The following ABRA variants were observed in gnomAD, a reference collection of about 807,000 sequenced individuals.
The protein encoded by ABRA is actin-binding Rho-activating protein.
ABRA carries 25 observed loss-of-function variants against 33.4 expected under a neutral mutation model. The observed-to-expected ratio is 0.75, with a 90% confidence interval of 0.55 to 1.04. The LOEUF (loss-of-function observed/expected upper bound fraction) is 1.04. Ranked by LOEUF, ABRA falls within the 50% of genes least tolerant of loss-of-function variation. The pLI is 0.00. For synonymous variants in ABRA, 193 were observed against 176.8 expected (o/e 1.09, Z -0.73); for missense variants, 501 against 491.7 (o/e 1.02, Z -0.18).
rs1836116751 is a variant in ABRA at position 106,760,279 on chromosome 8, T to G, written c.*758A>C. On this transcript the variant is annotated 3_prime_UTR_variant, in exon 2 of 2. Transcript: ENST00000311955. Reference sequence around the variant, plus strand: ...TTTGTTGGTACTAAGACAGGAAGTGTCTGTTTTTATGTGATTTGCTGAAAT... The same window carrying G: ...TTTGTTGGTACTAAGACAGGAAGTGGCTGTTTTTATGTGATTTGCTGAAAT... 6.6e-6 allele frequency: 1 copy of G among 152,200 alleles called. No homozygotes were observed. The highest frequency in any genetic ancestry group is 2.1e-4 in the South Asian group (1 of 4,828). The allele number at this position is 152,200 out of a possible 1,614,324, so 9.4% of individuals were successfully genotyped here. A position where few individuals can be genotyped will look rare whatever the true frequency, so the allele number is the denominator to read the frequency against.
chr8:106,766,710 G>A (rs1357656184), intron 1 of ABRA, among the ~76,000 whole-genome samples: 1 of 152,158 alleles, frequency 6.6e-6, no homozygotes, highest in East Asian at 1.9e-4. Flanking sequence ...AACCTGCAGA[G>A]CCAAGCTCCT....
intron 1 of ABRA, among the ~76,000 whole-genome samples, chr8:106,763,200 C>G (rs1443945337): frequency 6.6e-6 from 1 of 152,182 alleles, no homozygotes; most frequent in South Asian, 2.1e-4. Flanking sequence ...TACATACTTA[C>G]ATTAACATTG....
intron 1 of ABRA, among the ~76,000 whole-genome samples, chr8:106,767,430 A>G (rs1017538818): frequency 5.9e-5 from 9 of 152,222 alleles, no homozygotes; most frequent in Non-Finnish European, 1.3e-4. Flanking sequence ...TTCGGATAGC[A>G]TAGTTACTTC....
At chr8:106,764,416 G>A (rs1367064437) in intron 1 of ABRA, among the ~76,000 whole-genome samples, 3 of 152,200 alleles carry the variant, frequency 2.0e-5, no homozygotes, top group Non-Finnish European at 4.4e-5. Context: ...CACTTGGGGA[G>A]GGTGAAGTGG....
chr8:106,769,467 T>C (rs1424212208), intron 1 of ABRA, 56 bp downstream of exon 1: 15 of 1,555,824 alleles, frequency 9.6e-6, no homozygotes, highest in South Asian at 8.7e-5. Flanking sequence ...TTCCCAGACT[T>C]GGTTGGGGCT....
In ABRA at chr8:106,761,487, G is replaced by A; in HGVS notation, c.696C>T (p.Asn232=). ...GGCTATATTTCTGTTGGGCTTTGCA[G>A]TTGAGTTTCTCTGTAAATCTGTTTA... ...SQVNRFTEKL[N]CKAQQKYSPV... is the part of the protein sequence containing the mutation. The change falls in exon 2 of 2, where the codon AAC becomes AAT. Residue 232 remains asparagine (N), a synonymous_variant. Coordinates refer to ENST00000311955, the MANE Select transcript of ABRA (RefSeq NM_139166.5). 8 of 1,613,930 alleles carry A rather than the reference G, an allele frequency of 5.0e-6. No individual in the cohort carries two copies. Among genetic ancestry groups the A allele is most frequent in the Non-Finnish European group, 6.8e-6 (8 of 1,179,928 alleles).
intron 1 of ABRA, among the ~76,000 whole-genome samples, chr8:106,762,559 A>G (rs1284683471): frequency 1.3e-5 from 2 of 152,326 alleles, no homozygotes; most frequent in South Asian, 4.1e-4. Context: ...AAACTAACAC[A>G]GGAACAGAAA....
In ABRA at chr8:106,761,517, A is replaced by G. The variant is rs771966274; in HGVS notation, c.669-3T>C. 5.6e-6 allele frequency: 9 copies of G among 1,607,558 alleles called. No homozygotes were observed. Among genetic ancestry groups the G allele is most frequent in the East Asian group, 2.2e-5 (1 of 44,808 alleles). ...GTTTCTCTGTAAATCTGTTTACCCT[A>G]AAGTAGAGAGAGGGTGAACAATCAA... On this transcript the variant is annotated splice_polypyrimidine_tract_variant and splice_region_variant and intron_variant, in intron 1 of 1. Coordinates refer to ENST00000311955, the MANE Select transcript of ABRA (RefSeq NM_139166.5).
rs147251566 is a variant in ABRA at position 106,761,395 on chromosome 8, T to C, written c.788A>G (p.Asn263Ser). The stretch of plus-strand genomic sequence containing the variant: ...GTAATCAAACTCTTCACTGAAAGGA[T>C]TGAGCTTCTGGGATTGTATGTGTTC... ...ADEHIQSQKLNPFSEEFDYEL... is the reference protein window; with the variant it reads ...ADEHIQSQKLSPFSEEFDYEL... The change falls in exon 2 of 2, where the codon AAT becomes AGT. Residue 263 changes from asparagine to serine, a missense_variant. By Grantham distance (46) the Asn-to-Ser change is conservative. Transcript: ENST00000311955. 1.9e-4 allele frequency: 304 copies of C among 1,614,212 alleles called. 1 individual carries two copies. The East Asian group carries it at 5.7e-3, about 30-fold the overall frequency.
chr8:106,766,976 G>T (rs1483137019), intron 1 of ABRA, among the ~76,000 whole-genome samples: 1 of 152,208 alleles, frequency 6.6e-6, no homozygotes, highest in East Asian at 1.9e-4. Flanking sequence ...CCATGTGCCA[G>T]CCTGATTTGG....
intron 1 of ABRA, among the ~76,000 whole-genome samples, chr8:106,767,253 C>T (rs1394318294): frequency 6.6e-6 from 1 of 152,196 alleles, no homozygotes; most frequent in Non-Finnish European, 1.5e-5. Flanking sequence ...CATTCAGGAT[C>T]GGTCCCAGCT....
At chr8:106,764,377 G>C (rs1836180420) in intron 1 of ABRA, among the ~76,000 whole-genome samples, 1 of 152,220 alleles carries the variant, frequency 6.6e-6, no homozygotes, top group Non-Finnish European at 1.5e-5. Flanking sequence ...TTCTAGGCCA[G>C]GCACAGTGGC....
chr8:106,767,700 C>T (rs753981618), intron 1 of ABRA, among the ~76,000 whole-genome samples: 4 of 152,178 alleles, frequency 2.6e-5, no homozygotes, highest in Admixed American at 6.5e-5. Flanking sequence ...ACACTGAACA[C>T]GTGACAGATT....
intron 1 of ABRA, among the ~76,000 whole-genome samples, chr8:106,768,202 T>G (rs750313275): frequency 1.3e-5 from 2 of 152,134 alleles, no homozygotes; most frequent in Non-Finnish European, 2.9e-5. Context: ...CATCAAACTG[T>G]CCCCAAAGGG....
At chr8:106,763,375 C>T (rs1451017552) in intron 1 of ABRA, among the ~76,000 whole-genome samples, 1 of 152,160 alleles carries the variant, frequency 6.6e-6, no homozygotes, top group Non-Finnish European at 1.5e-5. Flanking sequence ...ACATGGATAA[C>T]AGTGTATGAC....
chr8:106,769,575 G>C lies in ABRA; in HGVS notation c.616C>G (p.Gln206Glu), dbSNP rs1810568133. ...YGGEAEERPE[Q>E]DGVQVAVVRI... ...ACCACAGCCACCTGCACTCCATCCT[G>C]CTCGGGCCTCTCCTCAGCCTCTCCT... is the stretch of plus-strand genomic sequence containing the variant. The change falls in exon 1 of 2, where the codon CAG (glutamine) becomes GAG (glutamate). Residue 206 changes from glutamine (Q) to glutamate (E), a missense_variant. Gln to Glu is a conservative substitution (Grantham distance 29). Transcript: ENST00000311955. The C allele has an allele frequency of 1.9e-6, 3 of 1,614,040 alleles. No homozygotes were observed. Among genetic ancestry groups the C allele is most frequent in the Non-Finnish European group, 2.5e-6 (3 of 1,180,034 alleles).
In ABRA at chr8:106,761,352, G is replaced by A. The variant is rs780390590; in HGVS notation, c.831C>T (p.Thr277=). ...EEFDYELAMS[T]RLHKGDEGYG... ...AGCCCTCATCTCCTTTGTGTAGGCG[G>A]GTGGACATGGCCAGCTCGTAATCAA... The change falls in exon 2 of 2, where the codon ACC becomes ACT. Residue 277 remains threonine, a synonymous_variant. Coordinates refer to ENST00000311955, the MANE Select transcript of ABRA (RefSeq NM_139166.5). 1.9e-6 allele frequency: 3 copies of A among 1,613,970 alleles called. No homozygotes were observed. In the South Asian group the frequency reaches 3.3e-5, roughly 18 times the overall value.
At chr8:106,768,769 G>A (rs185146509) in intron 1 of ABRA, among the ~76,000 whole-genome samples, 1 of 152,294 alleles carries the variant, frequency 6.6e-6, no homozygotes, top group African/African-American at 2.4e-5. Flanking sequence ...GGGTAGCTGG[G>A]ATTACAGATG....
In ABRA at chr8:106,761,260, C is replaced by G. The variant is rs756403095; in HGVS notation, c.923G>C (p.Arg308Thr). The part of the protein sequence containing the change: ...RAKRAEEHIY[R>T]EMMDMCFIIC... ...AATGAAGCACATGTCCATCATTTCC[C>G]TGTAGATGTGCTCCTCAGCACGCTT... Residue 308 changes from arginine to threonine, a missense_variant, in exon 2 of 2, where the codon AGG becomes ACG. Physicochemically the swap from Arg to Thr is moderately conservative, Grantham distance 71. Transcript: ENST00000311955. The G allele has an allele frequency of 6.2e-6, 10 of 1,614,118 alleles. No individual in the cohort carries two copies. The East Asian group carries it at 2.2e-4, about 36-fold the overall frequency.
Sources: gnomAD v4.1 joint callset for allele counts (sites outside exome capture counted in the v4.1 genomes callset) on GRCh38, gnomAD v4.1.1 for gene constraint, MANE v1.5 for transcripts, NCBI Gene and HGNC (gene_info 2026-07-23, HGNC 2026-07-21) for gene names.